ADAM12: variants seen among roughly 807,000 people sequenced by gnomAD.
The protein encoded by ADAM12 is ADAM metallopeptidase domain 12.
ADAM12 carries 70 observed loss-of-function variants against 106.4 expected under a neutral mutation model. The ratio of observed to expected loss-of-function variants is 0.66; its 90% CI spans 0.54 to 0.80. The LOEUF is 0.80. Among genes scored for constraint, ADAM12 ranks in the 30% least tolerant of loss-of-function variants. The pLI is 0.00. For missense variants in ADAM12, 1,010 were observed against 1,171.9 expected, an observed-to-expected ratio of 0.86 and a Z score of 2.02; for synonymous variants, 420 against 433.5, an observed-to-expected ratio of 0.97 and a Z score of 0.39.
At chr10:126,324,753 C>T (rs761386892) in intron 2 of ADAM12, among the ~76,000 whole-genome samples, 1 of 152,000 alleles carries the variant, frequency 6.6e-6, no homozygotes, top group Non-Finnish European at 1.5e-5. Context: ...GCAGAGTCTA[C>T]GTTGGGGGAC....
chr10:126,154,184 G>A (rs1956774902), intron 4 of ADAM12, among the ~76,000 whole-genome samples: 1 of 152,128 alleles, frequency 6.6e-6, no homozygotes, highest in Non-Finnish European at 1.5e-5. Context: ...ATAGTCCTTT[G>A]GGGAGCCCCA....
intron 18 of ADAM12, 60 bp downstream of exon 18, chr10:126,042,980 G>A (rs893919233): frequency 2.2e-5 from 34 of 1,528,014 alleles, no homozygotes; most frequent in African/African-American, 5.5e-5. Context: ...GACAGCTGGC[G>A]AGCCCACCCG....
At position 126,065,020 on chromosome 10, in the gene ADAM12, TTA is replaced by T. The variant is rs754413819; in HGVS notation, c.1414-21_1414-20del. ...GCTTCAGCTGGAAGGAGAGGGCCAT[TTA>T]TGACACATGCACCCGGGGAAAGGGA... On this transcript the variant is annotated intron_variant, in intron 13 of 22. Transcript: ENST00000448723. The T allele has an allele frequency of 4.3e-5, 69 of 1,598,536 alleles. 1 individual carries two copies. The highest frequency in any genetic ancestry group is 1.5e-5 in the Non-Finnish European group (17 of 1,172,022).
intron 3 of ADAM12, among the ~76,000 whole-genome samples, chr10:126,173,307 G>C (rs1281564667): frequency 6.6e-6 from 1 of 152,186 alleles, no homozygotes; most frequent in Non-Finnish European, 1.5e-5. Flanking sequence ...CATGAAGTCT[G>C]TTTGAGGTGA....
chr10:126,243,022 G>A (rs1280667609), intron 3 of ADAM12, among the ~76,000 whole-genome samples: 1 of 152,222 alleles, frequency 6.6e-6, no homozygotes, highest in Non-Finnish European at 1.5e-5. Context: ...CCACCCATAT[G>A]GAACTAGCAA....
Position 126,014,292 on chromosome 10 carries a change from A to C in ADAM12, c.*2987T>G, listed in dbSNP as rs1953617939. 1 of 120,012 alleles carries C rather than the reference A, an allele frequency of 8.3e-6. No homozygotes were observed. Among genetic ancestry groups the C allele is most frequent in the Admixed American group, 8.7e-5 (1 of 11,452 alleles). 7.4% of individuals were successfully genotyped at this position (120,012 alleles called of 1,614,324 possible). A position where few individuals can be genotyped will look rare whatever the true frequency, so the allele number is the denominator to read the frequency against. ...TGGAGACCATAGGCTCCTTAAGAAC[A>C]TTTTGACACAGTTTTAGCCGGTTTT... is the stretch of plus-strand genomic sequence containing the variant. On this transcript the variant is annotated 3_prime_UTR_variant, in exon 23 of 23. Coordinates refer to ENST00000448723, the MANE Select transcript of ADAM12 (RefSeq NM_001288973.2).
chr10:126,039,247 T>C, intron 19 of ADAM12, 47 bp downstream of exon 19: 2 of 1,605,466 alleles, frequency 1.2e-6, no homozygotes, highest in Non-Finnish European at 1.7e-6. Context: ...GCACCCAGCC[T>C]CTGAGCCACC....
chr10:126,164,306 G>A (rs186574011), intron 3 of ADAM12, among the ~76,000 whole-genome samples: 15 of 152,356 alleles, frequency 9.8e-5, no homozygotes, highest in Admixed American at 9.1e-4. Context: ...CCAGCAGGCA[G>A]TATAGATACT....
At chr10:126,287,554 A>G (rs1434916045) in intron 2 of ADAM12, among the ~76,000 whole-genome samples, 7 of 152,214 alleles carry the variant, frequency 4.6e-5, no homozygotes, top group Middle Eastern at 3.4e-3. Flanking sequence ...TGATGTGCTT[A>G]GAACAAAACC....
At chr10:126,316,365 C>T (rs2133825579) in intron 2 of ADAM12, among the ~76,000 whole-genome samples, 1 of 152,288 alleles carries the variant, frequency 6.6e-6, no homozygotes, top group African/African-American at 2.4e-5. Flanking sequence ...GTAATTTCTT[C>T]CCCCTCAAAA....
chr10:126,225,331 G>A (rs1171720551), intron 3 of ADAM12, among the ~76,000 whole-genome samples: 1 of 152,202 alleles, frequency 6.6e-6, no homozygotes, highest in Admixed American at 6.5e-5. Context: ...TCACACACTT[G>A]GGGAGTCAGA....
At chr10:126,324,032 T>C (rs964928445) in intron 2 of ADAM12, among the ~76,000 whole-genome samples, 5 of 152,202 alleles carry the variant, frequency 3.3e-5, no homozygotes, top group Non-Finnish European at 7.3e-5. Flanking sequence ...GATGCCCACA[T>C]GCTCCTTGGG....
At chr10:126,359,748 A>AC (rs775490045) in intron 1 of ADAM12, among the ~76,000 whole-genome samples, 3 of 152,122 alleles carry the variant, frequency 2.0e-5, no homozygotes, top group Non-Finnish European at 4.4e-5. Context: ...CAGTGGATCT[A>AC]CCATTCTGGG....
intron 11 of ADAM12, among the ~76,000 whole-genome samples, chr10:126,074,426 T>A (rs546901505): frequency 6.6e-6 from 1 of 152,046 alleles, no homozygotes; most frequent in South Asian, 2.1e-4. Context: ...AAACATTGGG[T>A]TTTTTGGGGG....
intron 3 of ADAM12, among the ~76,000 whole-genome samples, chr10:126,253,701 G>A (rs1219116951): frequency 6.6e-6 from 1 of 152,088 alleles, no homozygotes; most frequent in African/African-American, 2.4e-5. Context: ...TTGGGTGGGG[G>A]GAGGGCTTCT....
chr10:126,294,168 C>T (rs529426490), intron 2 of ADAM12, among the ~76,000 whole-genome samples: 9 of 152,312 alleles, frequency 5.9e-5, no homozygotes, highest in Non-Finnish European at 1.0e-4. Flanking sequence ...GTGCTAAGTA[C>T]GGGCTGTCCA....
chr10:126,028,645 AAAAT>A (rs763650449), intron 21 of ADAM12, among the ~76,000 whole-genome samples: 4 of 152,218 alleles, frequency 2.6e-5, no homozygotes, highest in Non-Finnish European at 5.9e-5. Context: ...ACCATATACA[AAAAT>A]AAACTCAGGA....
At chr10:126,360,244 C>G (rs1323757008) in intron 1 of ADAM12, among the ~76,000 whole-genome samples, 8 of 152,164 alleles carry the variant, frequency 5.3e-5, no homozygotes, top group Non-Finnish European at 7.3e-5. Flanking sequence ...ACATTTTCCC[C>G]ATTGTCTTGG....
Position 126,064,823 on chromosome 10 carries a change from A to C in ADAM12, c.1592T>G (p.Val531Gly). The C allele has an allele frequency of 6.2e-7, 1 of 1,608,434 alleles. No homozygotes were observed. Among genetic ancestry groups the C allele is most frequent in the Non-Finnish European group, 8.5e-7 (1 of 1,177,676 alleles). ...CCACGTACCTGGTCCCCAGAGCGTGACACACTGCTGCTCGTGAGTCTGGCA... is the reference window on the plus strand; with the variant it reads ...CCACGTACCTGGTCCCCAGAGCGTGCCACACTGCTGCTCGTGAGTCTGGCA... Reference protein sequence around the residue: ...GICQTHEQQCVTLWGPGAKPA... With the variant: ...GICQTHEQQCGTLWGPGAKPA... The change falls in exon 14 of 23, where the codon GTC becomes GGC. Residue 531 changes from valine (V) to glycine (G), a missense_variant. Physicochemically the swap from Val to Gly is moderately radical, Grantham distance 109. Coordinates refer to ENST00000448723, the MANE Select transcript of ADAM12 (RefSeq NM_001288973.2). This position sits in a 1 kb window ranked among gnomAD's most constrained non-coding sequence, Gnocchi z 4.4.
Sources: gnomAD v4.1 joint callset for allele counts (sites outside exome capture counted in the v4.1 genomes callset) on GRCh38, gnomAD v4.1.1 for gene constraint, Gnocchi (gnomAD v3.1) non-coding constraint, MANE v1.5 for transcripts, NCBI Gene and HGNC (gene_info 2026-07-23, HGNC 2026-07-21) for gene names.